MYO9B: variants seen among roughly 807,000 people sequenced by gnomAD.
MYO9B encodes unconventional myosin-IXb.
In MYO9B, 71 loss-of-function variants were observed where a neutral mutation model predicts 229.5. The ratio of observed to expected loss-of-function variants is 0.31; its 90% CI spans 0.26 to 0.38. MYO9B has a LOEUF of 0.38. MYO9B is among the 10% of genes least tolerant of loss of function. The pLI, the probability that MYO9B is intolerant of heterozygous loss-of-function variation, is 1.00. For missense variants in MYO9B, 2,255 were observed against 2,920.5 expected, an observed-to-expected ratio of 0.77 and a Z score of 5.25; for synonymous variants, 1,185 against 1,235.8, an observed-to-expected ratio of 0.96 and a Z score of 0.86.
chr19:17,134,381 GTTTTTTTTTTTT>G (rs869297825), intron 2 of MYO9B, among the ~76,000 whole-genome samples: 3 of 46,472 alleles, frequency 6.5e-5, no homozygotes, highest in South Asian at 2.1e-3. Flanking sequence ...CGTTTTGTTT[GTTTTTTTTTTTT>G]TTTTTTTTTT....
chr19:17,089,239 A>T (rs1016998798), intron 1 of MYO9B, among the ~76,000 whole-genome samples: 3 of 151,974 alleles, frequency 2.0e-5, no homozygotes, highest in African/African-American at 7.3e-5. Flanking sequence ...GTGTGTGTCC[A>T]TCTTTCCCAT....
chr19:17,087,334 A>G (rs2057592825), intron 1 of MYO9B, among the ~76,000 whole-genome samples: 1 of 152,120 alleles, frequency 6.6e-6, no homozygotes, highest in South Asian at 2.1e-4. Flanking sequence ...GGCCAGATGG[A>G]AGGTCTGGGG....
chr19:17,156,589 G>A (rs1413029452), intron 6 of MYO9B, among the ~76,000 whole-genome samples: 13 of 151,880 alleles, frequency 8.6e-5, no homozygotes, highest in Non-Finnish European at 1.6e-4. Flanking sequence ...CAAATATGGT[G>A]GCCTGTAGTA....
chr19:17,143,044 G>A (rs954132333), intron 2 of MYO9B, among the ~76,000 whole-genome samples: 1 of 152,096 alleles, frequency 6.6e-6, no homozygotes, highest in Non-Finnish European at 1.5e-5. Flanking sequence ...TTCGAGACCA[G>A]CCTGGACAAC....
chr19:17,129,929 C>G (rs2072173638), intron 2 of MYO9B, among the ~76,000 whole-genome samples: 1 of 152,140 alleles, frequency 6.6e-6, no homozygotes, highest in African/African-American at 2.4e-5. Context: ...AATCCCTCTC[C>G]CTCAGCCTCC....
intron 2 of MYO9B, among the ~76,000 whole-genome samples, chr19:17,127,429 C>T (rs1004948116): frequency 1.3e-5 from 2 of 151,340 alleles, no homozygotes; most frequent in South Asian, 2.1e-4. Context: ...CAGGTTCAAG[C>T]GATTCTCCTG....
intron 11 of MYO9B, among the ~76,000 whole-genome samples, 160 bp downstream of exon 11, chr19:17,168,224 G>A (rs140061434): frequency 1.3e-4 from 20 of 152,280 alleles, no homozygotes; most frequent in African/African-American, 4.3e-4. Context: ...GAGTGTAGTG[G>A]TGCAATCAAA....
At chr19:17,107,214 A>G (rs1291123457) in intron 2 of MYO9B, among the ~76,000 whole-genome samples, 1 of 152,204 alleles carries the variant, frequency 6.6e-6, no homozygotes, top group East Asian at 1.9e-4. Context: ...AGCCTGGGTG[A>G]CAGAGCAAGA....
chr19:17,205,164 A>AGAG, intron 30 of MYO9B, 99 bp from the exon 31 acceptor site: 2 of 748,910 alleles, frequency 2.7e-6, no homozygotes, highest in Non-Finnish European at 2.1e-6. Flanking sequence ...AAAAAAAAAA[A>AGAG]AAGAAGGCAA....
At chr19:17,122,218 A>G (rs1213958725) in intron 2 of MYO9B, among the ~76,000 whole-genome samples, 2 of 152,180 alleles carry the variant, frequency 1.3e-5, no homozygotes, top group Admixed American at 1.3e-4. Flanking sequence ...TTCTTGCAAA[A>G]GATGCATTAT....
At position 17,172,502 on chromosome 19, in the gene MYO9B, G is replaced by C. The variant is rs375379922; in HGVS notation, c.1935+25G>C. On this transcript the variant is annotated intron_variant, in intron 12 of 39. Transcript: ENST00000682292. The surrounding 1 kb of genome is among the most constrained non-coding windows in gnomAD (Gnocchi z 8.2). ...GGTAGGTGTCTGCCCATCACCACTG[G>C]TGGAAGCCTGAGGGAAGCCACAGTC... The C allele has an allele frequency of 6.2e-7, 1 of 1,611,146 alleles. No homozygotes were observed. Among genetic ancestry groups the C allele is most frequent in the Non-Finnish European group, 8.5e-7 (1 of 1,178,718 alleles).
intron 2 of MYO9B, among the ~76,000 whole-genome samples, chr19:17,140,196 G>A (rs1019981736): frequency 1.3e-5 from 2 of 152,280 alleles, no homozygotes; most frequent in Admixed American, 6.5e-5. Flanking sequence ...TCATTGCTGT[G>A]CAGTGCATGA....
rs772581423 is a variant in MYO9B, at chr19:17,195,074, A to T, written c.3647A>T (p.Lys1216Met). 1 of 1,612,976 alleles carries T rather than the reference A, an allele frequency of 6.2e-7. No individual in the cohort carries two copies. Among genetic ancestry groups the T allele is most frequent in the Non-Finnish European group, 8.5e-7 (1 of 1,179,852 alleles). ...VETEAENTSQKQPTEQPQAMA... is the reference protein window; with the variant it reads ...VETEAENTSQMQPTEQPQAMA... ...ACGGAGGCTGAGAACACATCTCAAAAGCAGCCCACAGAGCAACCCCAGGCC... is the reference window on the plus strand; with the variant it reads ...ACGGAGGCTGAGAACACATCTCAAATGCAGCCCACAGAGCAACCCCAGGCC... The change falls in exon 22 of 40, where the codon AAG (lysine) becomes ATG (methionine). Residue 1216 changes from lysine (K) to methionine (M), a missense_variant. Physicochemically the swap from Lys to Met is moderately conservative, Grantham distance 95. This residue lies in a region of MYO9B where 679 missense variants were observed against 770.2 expected (regional missense o/e 0.88). Coordinates refer to ENST00000682292, the MANE Select transcript of MYO9B (RefSeq NM_004145.4). The surrounding 1 kb of genome is among the most constrained non-coding windows in gnomAD (Gnocchi z 4.5).
rs536216789 is a variant in MYO9B, at chr19:17,192,838, G to T, written c.2904G>T (p.Arg968=). 1.7e-5 allele frequency: 27 copies of T among 1,553,238 alleles called. No individual in the cohort carries two copies. The East Asian group carries it at 6.6e-4, about 38-fold the overall frequency. The stretch of plus-strand genomic sequence containing the variant: ...TCCTGCTGCTGCAGAGCTGGTTCCG[G>T]ATGGTGCTGGAGCGTCGGCACTTCC... The part of the protein sequence containing the change: ...RKILLLQSWF[R]MVLERRHFLQ... The change falls in exon 21 of 40, where the codon CGG becomes CGT. Residue 968 remains arginine (R), a synonymous_variant. Transcript: ENST00000682292.
At chr19:17,129,780 A>G (rs1249264173) in intron 2 of MYO9B, among the ~76,000 whole-genome samples, 1 of 152,044 alleles carries the variant, frequency 6.6e-6, no homozygotes, top group Non-Finnish European at 1.5e-5. Flanking sequence ...TGTTCTCCCT[A>G]AAATGTTTTA....
In MYO9B at chr19:17,102,347, G is replaced by A. The variant is rs1259734514; in HGVS notation, c.630G>A (p.Lys210=). The A allele has an allele frequency of 1.2e-6, 2 of 1,614,050 alleles. No homozygotes were observed. The highest frequency in any genetic ancestry group is 1.7e-6 in the Non-Finnish European group (2 of 1,179,898). The part of the protein sequence containing the change: ...VKMYENQQLG[K]LEPHVFALAD... The stretch of plus-strand genomic sequence containing the variant: ...TGTATGAGAACCAGCAGCTGGGCAA[G>A]CTGGAGCCACACGTCTTCGCGCTGG... The change falls in exon 2 of 40, where the codon AAG becomes AAA. Residue 210 remains lysine (K), a synonymous_variant. Coordinates refer to ENST00000682292, the MANE Select transcript of MYO9B (RefSeq NM_004145.4).
intron 36 of MYO9B, 63 bp from the exon 37 acceptor site, chr19:17,210,270 C>A: frequency 4.7e-6 from 7 of 1,477,246 alleles, no homozygotes; most frequent in African/African-American, 1.4e-5. Context: ...TTGGATGTAT[C>A]CCCAGCTCAT....
intron 1 of MYO9B, chr19:17,099,133 G>C (rs1198139667): frequency 6.6e-6 from 1 of 151,752 alleles, no homozygotes; most frequent in African/African-American, 2.4e-5. Flanking sequence ...AAATTAGTTG[G>C]GCATGGTGGT....
chr19:17,184,928 A>G lies in MYO9B; in HGVS notation c.2437A>G (p.Lys813Glu). Residue 813 changes from lysine to glutamate, a missense_variant, in exon 17 of 40, where the codon AAG (lysine) becomes GAG (glutamate). This residue lies in a region of MYO9B where 68 missense variants were observed against 133.5 expected (regional missense o/e 0.51). Coordinates refer to ENST00000682292, the MANE Select transcript of MYO9B (RefSeq NM_004145.4). ...ISMTLHDRTT[K>E]SLLHLHKKKK... ...CATGACTCTGCACGACCGCACCACC[A>G]AGTCCCTACTGCACCTGCACAAGAA... The G allele has an allele frequency of 6.2e-7, 1 of 1,613,964 alleles. No individual in the cohort carries two copies. Among genetic ancestry groups the G allele is most frequent in the Non-Finnish European group, 8.5e-7 (1 of 1,179,870 alleles).
Sources: gnomAD v4.1 joint callset for allele counts (sites outside exome capture counted in the v4.1 genomes callset) on GRCh38, gnomAD v4.1.1 for gene constraint, gnomAD v4.1.1 regional missense constraint, Gnocchi (gnomAD v3.1) non-coding constraint, MANE v1.5 for transcripts, NCBI Gene and HGNC (gene_info 2026-07-23, HGNC 2026-07-21) for gene names.